Variants in PAX3 observed in about 807,000 individuals in gnomAD.
PAX3 encodes the protein paired box 3, also known as paired box protein Pax-3.
In PAX3, 14 loss-of-function variants were observed where a neutral mutation model predicts 51.6. The observed-to-expected ratio is 0.27, with a 90% CI of 0.18 to 0.42. The LOEUF (loss-of-function observed/expected upper bound fraction) is 0.42. Among genes scored for constraint, PAX3 ranks in the 10% least tolerant of loss-of-function variants. The pLI, the probability that PAX3 is intolerant of heterozygous loss-of-function variation, is 1.00. For missense variants in PAX3, 540 were observed against 642.8 expected, an observed-to-expected ratio of 0.84 and a Z score of 1.73; for synonymous variants, 280 against 253.4, an observed-to-expected ratio of 1.11 and a Z score of -1.00.
chr2:222,279,921 G>C (rs72962681), intron 4 of PAX3, among the ~76,000 whole-genome samples: 16,027 of 152,072 alleles, frequency 0.11, 1,092 homozygotes, highest in East Asian at 0.25. Flanking sequence ...ATTAGAAATA[G>C]AGTCCAAGGC....
intron 4 of PAX3, chr2:222,264,868 A>G (rs1693987100): frequency 1.3e-5 from 2 of 152,220 alleles, no homozygotes; most frequent in African/African-American, 4.8e-5. Flanking sequence ...CACATGCACC[A>G]TGTGACCATT....
intron 4 of PAX3, among the ~76,000 whole-genome samples, chr2:222,282,533 T>C (rs1694682373): frequency 6.6e-6 from 1 of 152,198 alleles, no homozygotes; most frequent in South Asian, 2.1e-4. Context: ...CAAGACCATA[T>C]TTTCTTATAC....
intron 4 of PAX3, among the ~76,000 whole-genome samples, chr2:222,282,394 A>G (rs908787730): frequency 6.6e-6 from 1 of 152,228 alleles, no homozygotes; most frequent in African/African-American, 2.4e-5. Context: ...TTTGAAAAAA[A>G]CATAAAAAGT....
chr2:222,200,476 T>C lies in PAX3; in HGVS notation c.*932A>G. The C allele has an allele frequency of 4.3e-6, 1 of 230,978 alleles. No homozygotes were observed. The highest frequency in any genetic ancestry group is 8.6e-6 in the Non-Finnish European group (1 of 116,550). The allele number at this position is 230,978 out of a possible 1,614,324, so 14.3% of individuals were successfully genotyped here. A position where few individuals can be genotyped will look rare whatever the true frequency, so the allele number is the denominator to read the frequency against. ...CACTGCACTCTATCACTATGAATTA[T>C]GGGCTGTGAAAATAAAAGCACCTGC... On this transcript the variant is annotated 3_prime_UTR_variant, in exon 9 of 9. Coordinates refer to ENST00000392070, the MANE Select transcript of PAX3 (RefSeq NM_181458.4).
chr2:222,294,870 T>C (rs371375640), intron 3 of PAX3, among the ~76,000 whole-genome samples: 6 of 151,212 alleles, frequency 4.0e-5, no homozygotes, highest in East Asian at 3.9e-4. Flanking sequence ...CGTTTCCTAT[T>C]GTAAAAATCA....
intron 4 of PAX3, among the ~76,000 whole-genome samples, chr2:222,236,457 C>G (rs1692801259): frequency 6.6e-6 from 1 of 152,070 alleles, no homozygotes; most frequent in African/African-American, 2.4e-5. Context: ...ATAGGAGGGC[C>G]ATTTTTTTGG....
rs762763009 is a variant in PAX3 at position 222,220,217 on chromosome 2, A to T, written c.1096T>A (p.Tyr366Asn). The change falls in exon 7 of 9, where the codon TAT (tyrosine) becomes AAT (asparagine). Residue 366 changes from tyrosine (Y) to asparagine (N), a missense_variant. Around this residue, in one of 3 missense-constraint regions of PAX3, gnomAD observed 427 missense variants for 483.6 expected, o/e 0.88. Coordinates refer to ENST00000392070, the MANE Select transcript of PAX3 (RefSeq NM_181458.4). ...LPSTRHGFSSYTDSFVPPSGP... is the reference protein window; with the variant it reads ...LPSTRHGFSSNTDSFVPPSGP... The stretch of plus-strand genomic sequence containing the variant: ...GACGGAGGCACAAAGCTGTCTGTAT[A>T]GCTGGAAAATCCATGCCTGGTGCTG... 3 of 1,613,980 alleles carry T rather than the reference A, an allele frequency of 1.9e-6. No homozygotes were observed. Among genetic ancestry groups the T allele is most frequent in the Non-Finnish European group, 1.7e-6 (2 of 1,179,966 alleles).
intron 4 of PAX3, among the ~76,000 whole-genome samples, chr2:222,277,514 C>A (rs994829899): frequency 2.0e-5 from 3 of 152,100 alleles, no homozygotes; most frequent in African/African-American, 7.2e-5. Context: ...GCCTGAGTGC[C>A]CACTTTGACA....
intron 4 of PAX3, among the ~76,000 whole-genome samples, chr2:222,283,472 A>C (rs1694718572): frequency 6.6e-6 from 1 of 152,216 alleles, no homozygotes. Flanking sequence ...ATTTTGTGCA[A>C]AGTGAGTGTT....
At position 222,201,301 on chromosome 2, in the gene PAX3, C is replaced by A. The variant is rs949088105; in HGVS notation, c.*107G>T. 2.5e-5 allele frequency: 41 copies of A among 1,611,272 alleles called. No individual in the cohort carries two copies. The highest frequency in any genetic ancestry group is 1.6e-4 in the Middle Eastern group (1 of 6,080). On this transcript the variant is annotated 3_prime_UTR_variant, in exon 9 of 9. Coordinates refer to ENST00000392070, the MANE Select transcript of PAX3 (RefSeq NM_181458.4). ...CTCCTATTGGGACCACTGCCCCACC[C>A]CCCCCAACAAAAGGGTAATTTTTTT...
chr2:222,243,156 TA>T (rs532240122), intron 4 of PAX3, among the ~76,000 whole-genome samples: 1 of 151,506 alleles, frequency 6.6e-6, no homozygotes, highest in East Asian at 1.9e-4. Flanking sequence ...GTTTGGAAAA[TA>T]AAAAAAAGGC....
chr2:222,250,419 A>T (rs1693384825), intron 4 of PAX3, among the ~76,000 whole-genome samples: 1 of 151,926 alleles, frequency 6.6e-6, no homozygotes. Context: ...ACCCTCCCAA[A>T]CTTGAAAAAA....
chr2:222,278,952 CT>C (rs765413185), intron 4 of PAX3, among the ~76,000 whole-genome samples: 12 of 152,028 alleles, frequency 7.9e-5, no homozygotes, highest in Non-Finnish European at 1.6e-4. Context: ...GTTGTTGTTG[CT>C]TGTCTGTTTG....
chr2:222,200,912 T>C lies in PAX3; in HGVS notation c.*496A>G, dbSNP rs913597372. The C allele has an allele frequency of 1.6e-4, 83 of 527,128 alleles. No individual in the cohort carries two copies. Among genetic ancestry groups the C allele is most frequent in the Non-Finnish European group, 2.6e-4 (76 of 294,722 alleles). The allele number at this position is 527,128 out of a possible 1,614,324, so 32.7% of individuals were successfully genotyped here. On this transcript the variant is annotated 3_prime_UTR_variant, in exon 9 of 9. Coordinates refer to ENST00000392070, the MANE Select transcript of PAX3 (RefSeq NM_181458.4). ...CAAGGATTCCTCCATTCTTGCTTCA[T>C]GAAATGAGCAGTTTTAAAGTTGTAG...
intron 5 of PAX3, among the ~76,000 whole-genome samples, chr2:222,222,402 T>G (rs113589211): frequency 9.9e-5 from 15 of 151,794 alleles, no homozygotes; most frequent in African/African-American, 3.4e-4. Flanking sequence ...AAAAGTTCAT[T>G]GAAACTTTTT....
In PAX3 at chr2:222,221,216, C is replaced by T. The variant is rs558822810; in HGVS notation, c.958+6G>A. 20 of 1,613,752 alleles carry T rather than the reference C, an allele frequency of 1.2e-5. No individual in the cohort carries two copies. Among genetic ancestry groups the T allele is most frequent in the African/African-American group, 5.3e-5 (4 of 74,994 alleles). ...CTTTCTAATCTCCTTGACTCTTCCT[C>T]GGTACCTTGTGGAATAGATGTGGGC... On this transcript the variant is annotated splice_donor_region_variant and intron_variant, in intron 6 of 8. Transcript: ENST00000392070.
In PAX3 at chr2:222,291,491, C is replaced by G. The variant is rs563942490; in HGVS notation, c.586+2676G>C. ...GGAAAGTTGGGAAAGTTAAGAGGAC[C>G]ATCTGGGAGAAAGCCACTGGAGAGA... is the stretch of plus-strand genomic sequence containing the variant. On this transcript the variant is annotated intron_variant, in intron 4 of 8. Coordinates refer to ENST00000392070, the MANE Select transcript of PAX3 (RefSeq NM_181458.4). 1.2e-4 allele frequency among the ~76,000 whole-genome samples: 19 copies of G among 152,290 alleles called. No individual in the cohort carries two copies. The East Asian group carries it at 3.3e-3, about 26-fold the overall frequency.
At chr2:222,252,488 T>C (rs1367606989) in intron 4 of PAX3, among the ~76,000 whole-genome samples, 1 of 152,204 alleles carries the variant, frequency 6.6e-6, no homozygotes, top group Non-Finnish European at 1.5e-5. Context: ...TCAATCTCTC[T>C]CATGCAGAAG....
chr2:222,257,107 A>G (rs1180860504), intron 4 of PAX3, among the ~76,000 whole-genome samples: 1 of 152,218 alleles, frequency 6.6e-6, no homozygotes, highest in African/African-American at 2.4e-5. Context: ...ATTTCAACAC[A>G]GATATATATT....
Sources: allele counts gnomAD v4.1 joint callset (sites outside exome capture counted in the v4.1 genomes callset), GRCh38; gene constraint gnomAD v4.1.1; regional missense constraint gnomAD v4.1.1; transcripts MANE v1.5; gene names NCBI Gene and HGNC (gene_info 2026-07-23, HGNC 2026-07-21).